The following PCSK5 variants were observed in gnomAD, a reference collection of about 807,000 sequenced individuals.
The protein encoded by PCSK5 is prohormone convertase 5.
Under a neutral mutation model 233.2 loss-of-function variants are expected in PCSK5, and 129 were observed. The observed-to-expected ratio is 0.55, with a 90% CI of 0.48 to 0.64. The LOEUF is 0.64. Among genes scored for constraint, PCSK5 ranks in the 30% least tolerant of loss-of-function variants. PCSK5 has a pLI of 0.00. For synonymous variants in PCSK5, 825 were observed against 879.2 expected, an observed-to-expected ratio of 0.94 and a Z score of 1.09; for missense variants, 2,076 against 2,430.1, an observed-to-expected ratio of 0.85 and a Z score of 3.06.
chr9:75,938,929 A>G (rs1824180112), intron 2 of PCSK5, among the ~76,000 whole-genome samples: 1 of 152,274 alleles, frequency 6.6e-6, no homozygotes, highest in Middle Eastern at 3.4e-3. Context: ...CCTTAAAGTT[A>G]TTTTTGATCA....
chr9:75,969,893 A>C (rs1442556005), intron 2 of PCSK5, among the ~76,000 whole-genome samples: 2 of 136,014 alleles, frequency 1.5e-5, no homozygotes. Context: ...TTTTTTTCTG[A>C]GATGGAGTCT....
At chr9:76,160,125 CT>C (rs1822790106) in intron 12 of PCSK5, among the ~76,000 whole-genome samples, 1 of 152,064 alleles carries the variant, frequency 6.6e-6, no homozygotes, top group Non-Finnish European at 1.5e-5. Context: ...CCAGCTGACT[CT>C]TCAGTCTTTA....
At chr9:76,351,584 G>GGA (rs990290039) in intron 36 of PCSK5, among the ~76,000 whole-genome samples, 5 of 113,450 alleles carry the variant, frequency 4.4e-5, no homozygotes, top group African/African-American at 1.4e-4. Context: ...AAGGGAGGAA[G>GGA]GAGAGAGAGA....
chr9:76,260,160 C>A (rs1231010530), intron 24 of PCSK5, among the ~76,000 whole-genome samples: 2 of 152,190 alleles, frequency 1.3e-5, no homozygotes, highest in Admixed American at 1.3e-4. Context: ...TGGGGAAACT[C>A]ACTTAAGCCT....
At chr9:76,006,710 C>T (rs894153356) in intron 3 of PCSK5, among the ~76,000 whole-genome samples, 4 of 152,118 alleles carry the variant, frequency 2.6e-5, no homozygotes. Context: ...AGTTCTTTTG[C>T]GAGTCATATC....
chr9:76,008,282 T>C (rs113718911), intron 3 of PCSK5, among the ~76,000 whole-genome samples: 5 of 152,162 alleles, frequency 3.3e-5, no homozygotes, highest in African/African-American at 1.2e-4. Flanking sequence ...TTCCTACTTA[T>C]GATATAAATC....
Position 76,071,826 on chromosome 9 carries a change from G to T in PCSK5, c.822G>T (p.Pro274=), listed in dbSNP as rs200775960. 6.2e-7 allele frequency: 1 copy of T among 1,614,190 alleles called. No individual in the cohort carries two copies. The highest frequency in any genetic ancestry group is 1.3e-5 in the African/African-American group (1 of 75,046). ...ACATTTACAGCGCCAGCTGGGGCCC[G>T]GATGATGATGGCAAGACTGTGGACG... ...HVHIYSASWG[P]DDDGKTVDGP... Residue 274 remains proline, a synonymous_variant, in exon 7 of 38, where the codon CCG becomes CCT. Transcript: ENST00000674117.
chr9:76,103,946 A>T (rs1255125680), intron 8 of PCSK5, among the ~76,000 whole-genome samples: 1 of 152,208 alleles, frequency 6.6e-6, no homozygotes, highest in East Asian at 1.9e-4. Context: ...CTAAAGTGAA[A>T]GTGCTTGCAT....
chr9:76,188,996 C>A, intron 18 of PCSK5, 98 bp from the exon 19 acceptor site: 3 of 1,050,884 alleles, frequency 2.9e-6, no homozygotes, highest in Non-Finnish European at 4.1e-6. Flanking sequence ...AATTATTATT[C>A]TTTGACGCCA....
intron 24 of PCSK5, among the ~76,000 whole-genome samples, chr9:76,281,236 A>T (rs890524513): frequency 1.3e-5 from 2 of 152,222 alleles, no homozygotes; most frequent in African/African-American, 4.8e-5. Context: ...GCCATCTAGG[A>T]CTTTCATAGC....
chr9:75,900,281 CAA>C (rs1236874226), intron 1 of PCSK5, among the ~76,000 whole-genome samples: 2 of 152,284 alleles, frequency 1.3e-5, no homozygotes, highest in African/African-American at 4.8e-5. Flanking sequence ...GATATAATAA[CAA>C]GAGTGATCCC....
chr9:76,041,385 T>G (rs2131531731), intron 5 of PCSK5, among the ~76,000 whole-genome samples: 1 of 152,280 alleles, frequency 6.6e-6, no homozygotes, highest in Middle Eastern at 3.4e-3. Flanking sequence ...GCCCTGGTAT[T>G]AGTGAGCTCC....
chr9:75,946,269 G>A (rs978331864), intron 2 of PCSK5, among the ~76,000 whole-genome samples: 13 of 152,198 alleles, frequency 8.5e-5, no homozygotes, highest in Admixed American at 8.5e-4. Flanking sequence ...AGACATTAGA[G>A]CAACTGGTTG....
chr9:75,900,610 C>G (rs1403305986), intron 1 of PCSK5, among the ~76,000 whole-genome samples: 2 of 145,946 alleles, frequency 1.4e-5, no homozygotes, highest in African/African-American at 5.1e-5. Flanking sequence ...GCCCGGGAGG[C>G]TGAGGCATCA....
intron 1 of PCSK5, among the ~76,000 whole-genome samples, chr9:75,891,959 G>C (rs867329159): frequency 6.6e-6 from 1 of 152,124 alleles, no homozygotes; most frequent in Non-Finnish European, 1.5e-5. Flanking sequence ...GGCCGGCCCC[G>C]GTGTGAGTGC....
rs1451723540 is a variant in PCSK5 at position 76,358,763 on chromosome 9, T to C, written c.5505T>C (p.Ile1835=). 5 of 1,612,844 alleles carry C rather than the reference T, an allele frequency of 3.1e-6. No homozygotes were observed. Among genetic ancestry groups the C allele is most frequent in the Non-Finnish European group, 4.2e-6 (5 of 1,179,890 alleles). ...CCAGCTTTGAAGAGGATCAGGTGAT[T>C]GAGTACAGGGATCGGGACTATGATG... ...ESTSFEEDQV[I]EYRDRDYDED... is the part of the protein sequence containing the mutation. The change falls in exon 38 of 38, where the codon ATT becomes ATC. Residue 1835 remains isoleucine (I), a synonymous_variant. Coordinates refer to ENST00000674117, the MANE Select transcript of PCSK5 (RefSeq NM_001372043.1).
intron 1 of PCSK5, among the ~76,000 whole-genome samples, chr9:75,909,152 C>T (rs767850112): frequency 1.3e-5 from 2 of 151,096 alleles, no homozygotes; most frequent in Non-Finnish European, 2.9e-5. Context: ...TGGCGAAACC[C>T]TTTCTCTACT....
intron 5 of PCSK5, among the ~76,000 whole-genome samples, chr9:76,057,991 T>A (rs1267798936): frequency 6.6e-6 from 1 of 152,022 alleles, no homozygotes; most frequent in East Asian, 1.9e-4. Context: ...TGCTTACCAC[T>A]ATGCCCAGCT....
chr9:76,178,621 G>A (rs1244179188), intron 14 of PCSK5, among the ~76,000 whole-genome samples: 1 of 152,152 alleles, frequency 6.6e-6, no homozygotes, highest in Admixed American at 6.5e-5. Context: ...AAGAAACCAA[G>A]GTGTAACAGT....
Sources: gnomAD v4.1 joint callset for allele counts (sites outside exome capture counted in the v4.1 genomes callset) on GRCh38, gnomAD v4.1.1 for gene constraint, MANE v1.5 for transcripts, NCBI Gene and HGNC (gene_info 2026-07-23, HGNC 2026-07-21) for gene names.